TTLL11: variants seen among roughly 807,000 people sequenced by gnomAD.
The protein encoded by TTLL11 is tubulin tyrosine ligase like 11.
TTLL11 carries 42 observed loss-of-function variants against 51.7 expected under a neutral mutation model. That is an observed-to-expected ratio of 0.81 (90% CI 0.64 to 1.05). The LOEUF (loss-of-function observed/expected upper bound fraction) is 1.05. TTLL11 is among the 50% of genes least tolerant of loss of function. The pLI is 0.00. For synonymous variants in TTLL11, 381 were observed against 383.5 expected (o/e 0.99, Z 0.08); for missense variants, 799 against 940.4 (o/e 0.85, Z 1.97).
intron 4 of TTLL11, among the ~76,000 whole-genome samples, chr9:121,985,893 C>A (rs974918731): frequency 2.0e-5 from 3 of 152,178 alleles, no homozygotes; most frequent in Non-Finnish European, 2.9e-5. Context: ...ATATCTAACA[C>A]CTTATACCCT....
At chr9:121,938,967 G>A (rs529220416) in intron 6 of TTLL11, among the ~76,000 whole-genome samples, 21 of 152,288 alleles carry the variant, frequency 1.4e-4, no homozygotes, top group African/African-American at 3.9e-4. Context: ...GCAGCAAACC[G>A]AAGAGATAAA....
intron 7 of TTLL11, among the ~76,000 whole-genome samples, chr9:121,865,833 C>A (rs571128048): frequency 6.6e-6 from 1 of 151,820 alleles, no homozygotes; most frequent in Non-Finnish European, 1.5e-5. Flanking sequence ...TAAGTCTAGA[C>A]GAGAGAAGAA....
intron 6 of TTLL11, among the ~76,000 whole-genome samples, chr9:121,949,050 T>C (rs1300729897): frequency 1.3e-5 from 2 of 152,170 alleles, no homozygotes; most frequent in East Asian, 3.9e-4. Flanking sequence ...ACAATGTTTG[T>C]GTCACCATTG....
chr9:121,960,992 G>A (rs1377392886), intron 6 of TTLL11, among the ~76,000 whole-genome samples: 1 of 152,288 alleles, frequency 6.6e-6, no homozygotes, highest in African/African-American at 2.4e-5. Context: ...AGTGAAGGAA[G>A]AAATGGAAAT....
chr9:121,956,962 T>C (rs1564325677), intron 6 of TTLL11, among the ~76,000 whole-genome samples: 1 of 152,160 alleles, frequency 6.6e-6, no homozygotes. Context: ...AGGGAGTAGT[T>C]AGCTGACTCC....
At chr9:121,895,697 T>C (rs1296908230) in intron 6 of TTLL11, among the ~76,000 whole-genome samples, 2 of 8,900 alleles carry the variant, frequency 2.2e-4, no homozygotes, top group African/African-American at 4.0e-4. Flanking sequence ...GAATGTGTGA[T>C]TGTGTGGGTT....
At chr9:121,869,203 C>A (rs1838269586) in intron 7 of TTLL11, among the ~76,000 whole-genome samples, 1 of 152,138 alleles carries the variant, frequency 6.6e-6, no homozygotes, top group African/African-American at 2.4e-5. Context: ...TTCAGGTGTA[C>A]TGAAACGGCA....
chr9:122,000,265 A>G (rs1217244706), intron 3 of TTLL11, among the ~76,000 whole-genome samples: 1 of 151,990 alleles, frequency 6.6e-6, no homozygotes, highest in Non-Finnish European at 1.5e-5. Context: ...AGGTCAGGAG[A>G]TGAAGACCAT....
At chr9:122,025,835 T>C (rs780550957) in intron 3 of TTLL11, among the ~76,000 whole-genome samples, 1 of 152,222 alleles carries the variant, frequency 6.6e-6, no homozygotes, top group Non-Finnish European at 1.5e-5. Flanking sequence ...CGCAAAGACT[T>C]ACCACAGGTG....
At chr9:122,079,168 G>A (rs2131912924) in intron 1 of TTLL11, among the ~76,000 whole-genome samples, 1 of 152,052 alleles carries the variant, frequency 6.6e-6, no homozygotes, top group East Asian at 1.9e-4. Context: ...TTTCAAAATG[G>A]CTGCACCATT....
At chr9:122,057,546 C>T (rs1162024612) in intron 1 of TTLL11, among the ~76,000 whole-genome samples, 2 of 152,018 alleles carry the variant, frequency 1.3e-5, no homozygotes, top group African/African-American at 2.4e-5. Context: ...GGGGTGGTCT[C>T]GAACTCCTGG....
chr9:122,052,127 T>C (rs1235135025), intron 1 of TTLL11, among the ~76,000 whole-genome samples: 3 of 152,176 alleles, frequency 2.0e-5, no homozygotes, highest in African/African-American at 7.2e-5. Context: ...CACAGTTCTA[T>C]CTGCCAAATG....
chr9:121,936,801 T>A (rs529755277), intron 6 of TTLL11, among the ~76,000 whole-genome samples: 1 of 152,368 alleles, frequency 6.6e-6, no homozygotes, highest in South Asian at 2.1e-4. Flanking sequence ...AAAATAAAAT[T>A]GGGGCTATAT....
chr9:121,944,278 C>T (rs62574002), intron 6 of TTLL11, among the ~76,000 whole-genome samples: 8 of 152,086 alleles, frequency 5.3e-5, no homozygotes, highest in Non-Finnish European at 1.0e-4. Flanking sequence ...GAGGCCAAGG[C>T]GGGCAGATCA....
chr9:121,855,624 T>A (rs1480436589), intron 8 of TTLL11, among the ~76,000 whole-genome samples: 1 of 152,108 alleles, frequency 6.6e-6, no homozygotes, highest in Non-Finnish European at 1.5e-5. Context: ...TGGGTGATGA[T>A]CCAGTCCAAA....
intron 6 of TTLL11, among the ~76,000 whole-genome samples, chr9:121,964,150 C>T (rs927288474): frequency 1.3e-5 from 2 of 151,578 alleles, no homozygotes; most frequent in African/African-American, 2.4e-5. Context: ...CATGGACCCC[C>T]GACCCTGAAA....
intron 3 of TTLL11, among the ~76,000 whole-genome samples, chr9:122,024,451 T>C (rs1844270802): frequency 1.3e-5 from 2 of 152,278 alleles, no homozygotes; most frequent in Admixed American, 6.5e-5. Flanking sequence ...ATATTTCATA[T>C]GGCTGATCAA....
At chr9:122,074,872 G>A (rs556072499) in intron 1 of TTLL11, among the ~76,000 whole-genome samples, 1 of 150,378 alleles carries the variant, frequency 6.6e-6, no homozygotes, top group South Asian at 2.1e-4. Flanking sequence ...AAGACAGCAA[G>A]ACACCCTGGT....
chr9:122,025,044 TA>T (rs949737852), intron 3 of TTLL11, among the ~76,000 whole-genome samples: 10 of 151,332 alleles, frequency 6.6e-5, no homozygotes, highest in East Asian at 1.9e-4. Context: ...AATTAAAAAA[TA>T]AAAAAAGGCA....
Sources: gnomAD v4.1 joint callset for allele counts (sites outside exome capture counted in the v4.1 genomes callset) on GRCh38, gnomAD v4.1.1 for gene constraint, MANE v1.5 for transcripts, NCBI Gene and HGNC (gene_info 2026-07-23, HGNC 2026-07-21) for gene names.